MIEF1: variants seen among roughly 807,000 people sequenced by gnomAD.
MIEF1 encodes the protein mitochondrial elongation factor 1.
In MIEF1, 14 loss-of-function variants were observed where a neutral mutation model predicts 35.1. That is an observed-to-expected ratio of 0.40 (90% CI 0.26 to 0.62). The LOEUF is 0.62. MIEF1 is among the 20% of genes least tolerant of loss of function. The pLI, the probability that MIEF1 is intolerant of heterozygous loss-of-function variation, is 0.43. For synonymous variants in MIEF1, 245 were observed against 254.3 expected (o/e 0.96, Z 0.35); for missense variants, 542 against 615.4 (o/e 0.88, Z 1.26).
chr22:39,500,387 G>A (rs1929648790), upstream of MIEF1: 1 of 151,788 alleles, frequency 6.6e-6, no homozygotes, highest in Non-Finnish European at 1.5e-5. Flanking sequence ...GATCTAGAGG[G>A]GCTGATCCGA....
rs551282290 is a variant in MIEF1 at position 39,502,869 on chromosome 22, A to C, written c.-340+432A>C. Among the ~76,000 whole-genome samples, 4 of 152,284 alleles carry C rather than the reference A, an allele frequency of 2.6e-5. No individual in the cohort carries two copies. In the South Asian group the frequency reaches 8.3e-4, roughly 32 times the overall value. The stretch of plus-strand genomic sequence containing the variant: ...GGGATCTCTTAAACAGTTGAGGAAA[A>C]ATGGGCAGGGATGGTGGCTTGCTCA... On this transcript the variant is annotated intron_variant, in intron 1 of 5. Transcript: ENST00000325301.
chr22:39,506,421 A>G (rs554117049), intron 2 of MIEF1, among the ~76,000 whole-genome samples: 2 of 152,254 alleles, frequency 1.3e-5, no homozygotes, highest in African/African-American at 4.8e-5. Flanking sequence ...TACTTTACTG[A>G]CACAGTGACC....
chr22:39,509,466 C>T (rs569527149), intron 2 of MIEF1: 1 of 152,420 alleles, frequency 6.6e-6, no homozygotes, highest in East Asian at 1.9e-4. Context: ...CTGGGGACTG[C>T]TGCTGCTGCA....
chr22:39,511,542 C>G (rs1056549582), intron 3 of MIEF1, 104 bp downstream of exon 3: 1 of 1,415,690 alleles, frequency 7.1e-7, no homozygotes, highest in African/African-American at 1.5e-5. Context: ...AGGAAATGAT[C>G]GCAATGATAA....
chr22:39,510,670 G>A (rs1215059245), intron 2 of MIEF1, among the ~76,000 whole-genome samples: 1 of 152,238 alleles, frequency 6.6e-6, no homozygotes, highest in Non-Finnish European at 1.5e-5. Flanking sequence ...GTCCCGCTCA[G>A]ATCTAACCTT....
At chr22:39,505,595 C>T (rs780242832) in intron 2 of MIEF1, among the ~76,000 whole-genome samples, 2 of 152,166 alleles carry the variant, frequency 1.3e-5, no homozygotes, top group African/African-American at 2.4e-5. Flanking sequence ...TCTGGAAGGA[C>T]GTTGACTCCA....
rs1447891052 is a variant in MIEF1 at position 39,516,271 on chromosome 22, G to A, written c.*1948G>A. On this transcript the variant is annotated 3_prime_UTR_variant, in exon 6 of 6. Transcript: ENST00000325301. ...TGTACCCACTGGGTATCCGTTAGAG[G>A]TAAGGGAGAGGAGAGGATTGATAGA... 1 of 152,200 alleles carries A rather than the reference G, an allele frequency of 6.6e-6. No homozygotes were observed. Among genetic ancestry groups the A allele is most frequent in the Non-Finnish European group, 1.5e-5 (1 of 68,036 alleles). 9.4% of individuals were successfully genotyped at this position (152,200 alleles called of 1,614,324 possible).
rs750341359 is a variant in MIEF1, at chr22:39,514,016, TG to T, written c.1086del (p.Cys363AlafsTer23). Reference sequence around the variant, plus strand: ...CAGGCTGACTCGGGCTGCCGATCTCTGTGCCTCAAGATCCTCAAGGCCATAT... The same window carrying T: ...CAGGCTGACTCGGGCTGCCGATCTCTTGCCTCAAGATCCTCAAGGCCATAT... Reference protein sequence around the residue: ...LDQADSGCRSLCLKILKAICK... With the variant: ...LDQADSGCRSXCLKILKAICK... On this transcript the variant is annotated frameshift_variant, in exon 6 of 6. Transcript: ENST00000325301. LOFTEE classifies it high-confidence loss of function. The T allele has an allele frequency of 6.2e-7, 1 of 1,613,604 alleles. No homozygotes were observed. The highest frequency in any genetic ancestry group is 8.5e-7 in the Non-Finnish European group (1 of 1,180,030).
At position 39,512,023 on chromosome 22, in the gene MIEF1, A is replaced by G. The variant is rs749851378; in HGVS notation, c.319A>G (p.Thr107Ala). ...TLPTDSSTFD[T>A]DTFCPPRPKP... Reference sequence around the variant, plus strand: ...TCCCACAGACTCCTCCACCTTCGACACAGGTGAGAAGGGCTGCTGCCCCTC... The same window carrying G: ...TCCCACAGACTCCTCCACCTTCGACGCAGGTGAGAAGGGCTGCTGCCCCTC... The change falls in exon 4 of 6, where the codon ACA becomes GCA. Residue 107 changes from threonine to alanine, a missense_variant. Physicochemically the swap from Thr to Ala is moderately conservative, Grantham distance 58. Transcript: ENST00000325301. The G allele has an allele frequency of 8.1e-6, 13 of 1,612,096 alleles. No homozygotes were observed. The Admixed American group carries it at 2.0e-4, about 25-fold the overall frequency.
intron 2 of MIEF1, chr22:39,504,831 A>C: frequency 6.4e-6 from 1 of 156,926 alleles, no homozygotes; most frequent in Non-Finnish European, 1.4e-5. Context: ...CAAATGAGAA[A>C]TAGAGGTTTA....
Position 39,516,274 on chromosome 22 carries a change from A to G in MIEF1, c.*1951A>G, listed in dbSNP as rs1055928492. 2 of 152,138 alleles carry G rather than the reference A, an allele frequency of 1.3e-5. No individual in the cohort carries two copies. The highest frequency in any genetic ancestry group is 6.6e-5 in the Admixed American group (1 of 15,260). The allele number at this position is 152,138 out of a possible 1,614,324, so 9.4% of individuals were successfully genotyped here. On this transcript the variant is annotated 3_prime_UTR_variant, in exon 6 of 6. Transcript: ENST00000325301. ...ACCCACTGGGTATCCGTTAGAGGTA[A>G]GGGAGAGGAGAGGATTGATAGAGTG...
rs370046369 is a variant in MIEF1 at position 39,507,487 on chromosome 22, T to C, written c.-8+2953T>C. ...GTCTCGATCTCCTGACCTCGTGATCTGCCCACCTTGGCCTCCCAAAGTGTT... is the reference window on the plus strand; with the variant it reads ...GTCTCGATCTCCTGACCTCGTGATCCGCCCACCTTGGCCTCCCAAAGTGTT... On this transcript the variant is annotated intron_variant, in intron 2 of 5. Transcript: ENST00000325301. Among the ~76,000 whole-genome samples the C allele has an allele frequency of 9.0e-4, 137 of 151,898 alleles. 2 individuals are homozygous for C. The highest frequency in any genetic ancestry group is 7.9e-3 in the East Asian group (40 of 5,046).
In MIEF1 at chr22:39,513,654, T is replaced by C; in HGVS notation, c.723T>C (p.Phe241=). Residue 241 remains phenylalanine (F), a synonymous_variant, in exon 6 of 6, where the codon TTT becomes TTC. Transcript: ENST00000325301. ...FLVRRENPEY[F]PRGSSYWDRC... is the part of the protein sequence containing the mutation. Reference sequence around the variant, plus strand: ...TGCGTCGTGAGAATCCAGAGTACTTTCCTCGTGGGAGCAGTTACTGGGACC... The same window carrying C: ...TGCGTCGTGAGAATCCAGAGTACTTCCCTCGTGGGAGCAGTTACTGGGACC... The C allele has an allele frequency of 6.2e-7, 1 of 1,614,138 alleles. No individual in the cohort carries two copies.
chr22:39,511,563 CA>C, intron 3 of MIEF1, 125 bp downstream of exon 3: 2 of 1,381,882 alleles, frequency 1.4e-6, no homozygotes, highest in Non-Finnish European at 1.9e-6. Context: ...GTGAAAAAAA[CA>C]GGTTTCAAAA....
chr22:39,509,009 T>C (rs1930193623), intron 2 of MIEF1, among the ~76,000 whole-genome samples: 1 of 152,174 alleles, frequency 6.6e-6, no homozygotes, highest in South Asian at 2.1e-4. Flanking sequence ...TTTTTTTTTT[T>C]TCTTCAAGAC....
chr22:39,512,454 G>C lies in MIEF1; in HGVS notation c.545G>C (p.Arg182Pro). 6.2e-7 allele frequency: 1 copy of C among 1,613,958 alleles called. No individual in the cohort carries two copies. Among genetic ancestry groups the C allele is most frequent in the Non-Finnish European group, 8.5e-7 (1 of 1,179,960 alleles). ...GCCAAGTTGCCTGACATGCCGCTTCGGGACATGTACTTGAGTGGCAGCCTC... is the reference window on the plus strand; with the variant it reads ...GCCAAGTTGCCTGACATGCCGCTTCCGGACATGTACTTGAGTGGCAGCCTC... ...LRAKLPDMPLRDMYLSGSLYD... is the reference protein window; with the variant it reads ...LRAKLPDMPLPDMYLSGSLYD... The change falls in exon 5 of 6, where the codon CGG (arginine) becomes CCG (proline). Residue 182 changes from arginine (R) to proline (P), a missense_variant. Transcript: ENST00000325301.
Position 39,515,177 on chromosome 22 carries a change from C to T in MIEF1, c.*854C>T. On this transcript the variant is annotated 3_prime_UTR_variant, in exon 6 of 6. Coordinates refer to ENST00000325301, the MANE Select transcript of MIEF1 (RefSeq NM_019008.6). ...AAGGATGGGGACTGCCAGGGCACCACTTCATCATGAATGCTGGTTTTCACA... is the reference window on the plus strand; with the variant it reads ...AAGGATGGGGACTGCCAGGGCACCATTTCATCATGAATGCTGGTTTTCACA... 2 of 671,828 alleles carry T rather than the reference C, an allele frequency of 3.0e-6. No homozygotes were observed. The highest frequency in any genetic ancestry group is 1.7e-5 in the South Asian group (1 of 59,390). The allele number at this position is 671,828 out of a possible 1,614,324, so 41.6% of individuals were successfully genotyped here.
chr22:39,515,210 C>T lies in MIEF1; in HGVS notation c.*887C>T. ...TGAATGCTGGTTTTCACACCTTTTC[C>T]TTATTTTATTGCCAATCAGGACAAG... On this transcript the variant is annotated 3_prime_UTR_variant, in exon 6 of 6. Coordinates refer to ENST00000325301, the MANE Select transcript of MIEF1 (RefSeq NM_019008.6). 1.4e-6 allele frequency: 1 copy of T among 699,582 alleles called. No homozygotes were observed. Among genetic ancestry groups the T allele is most frequent in the South Asian group, 1.5e-5 (1 of 65,468 alleles). The allele number at this position is 699,582 out of a possible 1,614,324, so 43.3% of individuals were successfully genotyped here. A position where few individuals can be genotyped will look rare whatever the true frequency, so the allele number is the denominator to read the frequency against.
At chr22:39,501,364 C>G (rs1429244507), upstream of MIEF1, among the ~76,000 whole-genome samples, 1 of 152,252 alleles carries the variant, frequency 6.6e-6, no homozygotes, top group African/African-American at 2.4e-5. Flanking sequence ...CACCCCTCTA[C>G]TGGTAGATAT....
Sources: gnomAD v4.1 joint callset for allele counts (sites outside exome capture counted in the v4.1 genomes callset) on GRCh38, gnomAD v4.1.1 for gene constraint, MANE v1.5 for transcripts, NCBI Gene and HGNC (gene_info 2026-07-23, HGNC 2026-07-21) for gene names.